ARMC2: variants seen among roughly 807,000 people sequenced by gnomAD.
ARMC2 encodes armadillo repeat-containing protein 2.
A neutral mutation model predicts 90.3 loss-of-function variants in ARMC2; 67 were observed. That is an observed-to-expected ratio of 0.74 (90% confidence interval 0.61 to 0.91). The LOEUF is 0.91. ARMC2 is among the 40% of genes least tolerant of loss of function. The pLI is 0.00. For missense variants in ARMC2, 920 were observed against 1,030.9 expected (o/e 0.89, Z 1.47); for synonymous variants, 393 against 393.0 (o/e 1.00, Z 0.00).
chr6:108,993,448 A>G, the ARMC2 span, among the ~76,000 whole-genome samples: 1 of 152,068 alleles, frequency 6.6e-6, no homozygotes, highest in African/African-American at 2.4e-5. Context: ...TTAGATGACA[A>G]CTCTACATCT....
At chr6:108,919,254 T>C (rs1774295554) in intron 10 of ARMC2, among the ~76,000 whole-genome samples, 1 of 152,238 alleles carries the variant, frequency 6.6e-6, no homozygotes, top group African/African-American at 2.4e-5. Context: ...TGTTTCATAG[T>C]TTTTAAATGT....
chr6:108,983,760 T>C, the ARMC2 span, among the ~76,000 whole-genome samples: 1 of 152,262 alleles, frequency 6.6e-6, no homozygotes, highest in South Asian at 2.1e-4. Context: ...TGGCATGGAA[T>C]TCTCTACTTC....
At chr6:108,930,394 T>C (rs1250710116) in intron 11 of ARMC2, among the ~76,000 whole-genome samples, 1 of 152,082 alleles carries the variant, frequency 6.6e-6, no homozygotes, top group Non-Finnish European at 1.5e-5. Context: ...CTCTTCTTTA[T>C]TGCATTGTTT....
chr6:108,903,744 A>G (rs1772390808), intron 7 of ARMC2, among the ~76,000 whole-genome samples: 1 of 152,218 alleles, frequency 6.6e-6, no homozygotes, highest in African/African-American at 2.4e-5. Context: ...AATGTGGAAT[A>G]GTGCATCTTT....
At chr6:108,962,245 C>T in intron 15 of ARMC2, 118 bp downstream of exon 15, 1 of 887,994 alleles carries the variant, frequency 1.1e-6, no homozygotes, top group Non-Finnish European at 1.7e-6. Context: ...ATTTGTAAAG[C>T]TTCGTGTTTA....
intron 1 of ARMC2, among the ~76,000 whole-genome samples, chr6:108,853,452 T>C (rs928104045): frequency 2.0e-5 from 3 of 152,178 alleles, no homozygotes; most frequent in Non-Finnish European, 4.4e-5. Flanking sequence ...TCTCTGTCTC[T>C]TTAGAGATAT....
At chr6:108,887,995 C>T (rs1770532492) in intron 5 of ARMC2, among the ~76,000 whole-genome samples, 1 of 152,154 alleles carries the variant, frequency 6.6e-6, no homozygotes, top group Non-Finnish European at 1.5e-5. Flanking sequence ...TAGAGACACC[C>T]ACCACTGTGA....
At chr6:108,963,739 A>G (rs1341929651) in intron 15 of ARMC2, among the ~76,000 whole-genome samples, 1 of 152,190 alleles carries the variant, frequency 6.6e-6, no homozygotes, top group Non-Finnish European at 1.5e-5. Context: ...TAGCAGTCTG[A>G]GTCTTACACA....
chr6:108,973,142 T>G (rs1778872806), intron 17 of ARMC2, among the ~76,000 whole-genome samples: 1 of 151,992 alleles, frequency 6.6e-6, no homozygotes. Context: ...GTCTGGGTAA[T>G]ACATGGAGAC....
chr6:108,989,743 A>G, the ARMC2 span, among the ~76,000 whole-genome samples: 8 of 152,232 alleles, frequency 5.3e-5, no homozygotes, highest in African/African-American at 1.9e-4. Context: ...AGGATGGTCT[A>G]TACTTAGGAG....
rs75731790 is a variant in ARMC2, at chr6:108,919,416, A to G, written c.1350+6858A>G. Reference sequence around the variant, plus strand: ...AATCAGAACCAAGGTAGCAGTGTCTACCAGTAGAACTTTGCTCTGATTATT... The same window carrying G: ...AATCAGAACCAAGGTAGCAGTGTCTGCCAGTAGAACTTTGCTCTGATTATT... On this transcript the variant is annotated intron_variant, in intron 10 of 17. Coordinates refer to ENST00000392644, the MANE Select transcript of ARMC2 (RefSeq NM_032131.6). Among the ~76,000 whole-genome samples the G allele has an allele frequency of 9.3e-3, 1,421 of 152,304 alleles. 27 individuals carry two copies. Among genetic ancestry groups the G allele is most frequent in the African/African-American group, 0.032 (1,345 of 41,564 alleles).
chr6:108,946,625 A>G (rs1326160137), intron 12 of ARMC2, among the ~76,000 whole-genome samples: 2 of 152,214 alleles, frequency 1.3e-5, no homozygotes, highest in Non-Finnish European at 2.9e-5. Flanking sequence ...AGGCACGAGA[A>G]GTTTGTAACC....
intron 3 of ARMC2, among the ~76,000 whole-genome samples, chr6:108,859,323 C>G (rs193286578): frequency 6.6e-6 from 1 of 151,942 alleles, no homozygotes; most frequent in Admixed American, 6.6e-5. Context: ...CCTGGGGAGA[C>G]GGCTTCTCCT....
At chr6:108,951,525 G>T (rs1049409482) in intron 12 of ARMC2, among the ~76,000 whole-genome samples, 1 of 152,198 alleles carries the variant, frequency 6.6e-6, no homozygotes, top group Non-Finnish European at 1.5e-5. Flanking sequence ...TTGGCAAATG[G>T]TTTCCGGTTG....
chr6:108,938,346 T>C (rs1776132628), intron 12 of ARMC2, among the ~76,000 whole-genome samples: 2 of 151,642 alleles, frequency 1.3e-5, no homozygotes, highest in Non-Finnish European at 2.9e-5. Context: ...ATTATTAAAT[T>C]TGTCAGATTT....
At chr6:108,862,840 C>T (rs1775413562) in intron 3 of ARMC2, among the ~76,000 whole-genome samples, 1 of 152,228 alleles carries the variant, frequency 6.6e-6, no homozygotes, top group South Asian at 2.1e-4. Context: ...AAGTCCTCCA[C>T]CAGCAGTCAG....
chr6:109,015,636 T>A, the ARMC2 span, among the ~76,000 whole-genome samples: 1 of 152,288 alleles, frequency 6.6e-6, no homozygotes, highest in African/African-American at 2.4e-5. Context: ...AGGAATGGGT[T>A]TAATTTGGAA....
the ARMC2 span, among the ~76,000 whole-genome samples, chr6:108,993,269 CTTAGA>C: frequency 1.3e-5 from 2 of 152,032 alleles, no homozygotes; most frequent in African/African-American, 2.4e-5. Flanking sequence ...AAATTTAGCA[CTTAGA>C]TTATTTTTGT....
chr6:108,904,128 A>G, intron 7 of ARMC2, 102 bp from the exon 8 acceptor site: 1 of 1,333,570 alleles, frequency 7.5e-7, no homozygotes, highest in South Asian at 1.3e-5. Context: ...AAGATATCCA[A>G]GGAAATAATT....
Sources: gnomAD v4.1 joint callset for allele counts (sites outside exome capture counted in the v4.1 genomes callset) on GRCh38, gnomAD v4.1.1 for gene constraint, MANE v1.5 for transcripts, NCBI Gene and HGNC (gene_info 2026-07-23, HGNC 2026-07-21) for gene names.